Variants in MYO10 observed in about 807,000 individuals in gnomAD.
MYO10 encodes myosin X.
In MYO10, 133 loss-of-function variants were observed where a neutral mutation model predicts 257.3. The observed-to-expected ratio is 0.52, with a 90% confidence interval of 0.45 to 0.60. The LOEUF (loss-of-function observed/expected upper bound fraction) is 0.60, where lower values mean the gene tolerates loss of function less well. Among genes scored for constraint, MYO10 ranks in the 20% least tolerant of loss-of-function variants. MYO10 has a pLI of 0.00. For synonymous variants in MYO10, 1,104 were observed against 1,028.6 expected, an observed-to-expected ratio of 1.07 and a Z score of -1.40; for missense variants, 2,399 against 2,635.7, an observed-to-expected ratio of 0.91 and a Z score of 1.97.
chr5:16,840,332 A>C (rs1743438821), intron 2 of MYO10, among the ~76,000 whole-genome samples: 2 of 152,138 alleles, frequency 1.3e-5, no homozygotes, highest in African/African-American at 2.4e-5. Flanking sequence ...GAATCGTTTG[A>C]ACCTGGGAGG....
At chr5:16,726,667 T>G (rs1739378198) in intron 19 of MYO10, among the ~76,000 whole-genome samples, 1 of 152,212 alleles carries the variant, frequency 6.6e-6, no homozygotes, top group Non-Finnish European at 1.5e-5. Flanking sequence ...AACGTATTCA[T>G]TATTTAACAA....
At chr5:16,692,910 A>G (rs1311609263) in intron 27 of MYO10, among the ~76,000 whole-genome samples, 1 of 152,214 alleles carries the variant, frequency 6.6e-6, no homozygotes, top group Non-Finnish European at 1.5e-5. Flanking sequence ...ACATACATCA[A>G]TGTACTCTGG....
chr5:16,679,620 G>A (rs1440347399), intron 33 of MYO10, among the ~76,000 whole-genome samples: 6 of 150,712 alleles, frequency 4.0e-5, no homozygotes, highest in Admixed American at 2.0e-4. Flanking sequence ...TGCCTCGGAG[G>A]TTCAAGCAAG....
intron 1 of MYO10, among the ~76,000 whole-genome samples, chr5:16,893,728 G>A (rs972041217): frequency 2.0e-5 from 3 of 151,464 alleles, no homozygotes; most frequent in Non-Finnish European, 4.4e-5. Flanking sequence ...GTTCAACAGA[G>A]ACTTTGGAAC....
chr5:16,858,626 G>C (rs188487233), intron 2 of MYO10, among the ~76,000 whole-genome samples: 1 of 152,242 alleles, frequency 6.6e-6, no homozygotes, highest in Admixed American at 6.5e-5. Context: ...CATATGGTTT[G>C]AAATAAAAGC....
At chr5:16,828,182 G>T (rs1484874224) in intron 2 of MYO10, among the ~76,000 whole-genome samples, 2 of 152,138 alleles carry the variant, frequency 1.3e-5, no homozygotes, top group African/African-American at 4.8e-5. Context: ...GCTCACCCCT[G>T]CCTGGCCCAC....
At chr5:16,818,561 C>T (rs998651679) in intron 2 of MYO10, among the ~76,000 whole-genome samples, 2 of 151,602 alleles carry the variant, frequency 1.3e-5, no homozygotes, top group South Asian at 4.2e-4. Context: ...CTCAGCCTCC[C>T]GAGCTGGGAC....
chr5:16,892,870 G>A (rs935496703), intron 1 of MYO10, among the ~76,000 whole-genome samples: 2 of 151,864 alleles, frequency 1.3e-5, no homozygotes, highest in Non-Finnish European at 2.9e-5. Context: ...AACATTACCA[G>A]CCCAGCTACT....
Position 16,853,373 on chromosome 5 carries a change from C to CAA in MYO10, c.120+24234_120+24235dup, listed in dbSNP as rs5866209. On this transcript the variant is annotated intron_variant, in intron 2 of 40. Coordinates refer to ENST00000513610, the MANE Select transcript of MYO10 (RefSeq NM_012334.3). ...TGGGCGACAGAGTGAGACTCCGTCT[C>CAA]AAAAAAAAAAAAAAATTCATGATCA... is the stretch of plus-strand genomic sequence containing the variant. Among the ~76,000 whole-genome samples, 57 of 129,362 alleles carry CAA rather than the reference C, an allele frequency of 4.4e-4. 1 individual carries two copies. Among genetic ancestry groups the CAA allele is most frequent in the Middle Eastern group, 4.0e-3 (1 of 248 alleles). The allele number at this position is 129,362 out of a possible 152,430, so 84.9% of individuals were successfully genotyped here. A position where few individuals can be genotyped will look rare whatever the true frequency, so the allele number is the denominator to read the frequency against.
Position 16,663,819 on chromosome 5 carries a change from G to C in MYO10, c.*2873C>G, listed in dbSNP as rs1252101008. On this transcript the variant is annotated 3_prime_UTR_variant, in exon 41 of 41. Coordinates refer to ENST00000513610, the MANE Select transcript of MYO10 (RefSeq NM_012334.3). ...TGATTTAAAGGGTAAGGAAAGATGT[G>C]TGCAGGTTCTATGCAAATATTATAC... The C allele has an allele frequency of 6.8e-6, 1 of 147,932 alleles. No individual in the cohort carries two copies. The highest frequency in any genetic ancestry group is 2.5e-5 in the African/African-American group (1 of 39,942). 9.2% of individuals were successfully genotyped at this position (147,932 alleles called of 1,614,324 possible).
At chr5:16,719,981 T>TGC (rs1554039245) in intron 19 of MYO10, among the ~76,000 whole-genome samples, 11 of 117,230 alleles carry the variant, frequency 9.4e-5, no homozygotes, top group Admixed American at 4.8e-4. Context: ...AATAAATGTG[T>TGC]GTGCGTGCGT....
Position 16,758,176 on chromosome 5 carries a change from T to TTAC in MYO10, c.1789_1790insGTA (p.Gln597delinsArgLys). 1 of 1,613,852 alleles carries TTAC rather than the reference T, an allele frequency of 6.2e-7. No individual in the cohort carries two copies. Among genetic ancestry groups the TTAC allele is most frequent in the Non-Finnish European group, 8.5e-7 (1 of 1,179,738 alleles). ...TTTGCTTCCACATTTCAAGGTATCC[T>TTAC]GGTTGTTGCGGCTTGAAACATGTTC... On this transcript the variant is annotated protein_altering_variant, in exon 18 of 41. Transcript: ENST00000513610.
At chr5:16,847,178 T>A (rs1743659670) in intron 2 of MYO10, among the ~76,000 whole-genome samples, 1 of 151,520 alleles carries the variant, frequency 6.6e-6, no homozygotes, top group South Asian at 2.1e-4. Flanking sequence ...ATGCCTGTAA[T>A]CCCAGCACTT....
chr5:16,820,481 G>A (rs369123191), intron 2 of MYO10, among the ~76,000 whole-genome samples: 156 of 152,272 alleles, frequency 1.0e-3, no homozygotes, highest in African/African-American at 3.2e-3. Context: ...GCACACACCT[G>A]AGGTCTCATC....
chr5:16,848,611 G>C (rs1561016852), intron 2 of MYO10, among the ~76,000 whole-genome samples: 1 of 151,976 alleles, frequency 6.6e-6, no homozygotes, highest in African/African-American at 2.4e-5. Flanking sequence ...TTCCCTCCAA[G>C]AGTCTTTGGG....
At chr5:16,761,440 T>C (rs1740709895) in intron 17 of MYO10, 24 bp downstream of exon 17, 1 of 1,568,656 alleles carries the variant, frequency 6.4e-7, no homozygotes, top group African/African-American at 1.4e-5. Context: ...TGCTAAGTAC[T>C]TCTCGGTGAG....
At chr5:16,673,627 G>T in intron 36 of MYO10, 55 bp downstream of exon 36, 1 of 1,553,096 alleles carries the variant, frequency 6.4e-7, no homozygotes, top group Non-Finnish European at 8.8e-7. Context: ...TCCTGACGCA[G>T]GTGTATCTGC....
intron 10 of MYO10, among the ~76,000 whole-genome samples, chr5:16,766,770 CTTTT>C (rs575636664): frequency 7.8e-6 from 1 of 127,396 alleles, no homozygotes; most frequent in Non-Finnish European, 1.6e-5. Flanking sequence ...CACCTACTTT[CTTTT>C]TTTTTTTTTT....
chr5:16,920,125 T>A (rs1166708834), intron 1 of MYO10, among the ~76,000 whole-genome samples: 8 of 149,782 alleles, frequency 5.3e-5, no homozygotes, highest in Admixed American at 2.0e-4. Context: ...AGAAAAAAAA[T>A]TAGCTGGGCT....
Sources: gnomAD v4.1 joint callset for allele counts (sites outside exome capture counted in the v4.1 genomes callset) on GRCh38, gnomAD v4.1.1 for gene constraint, MANE v1.5 for transcripts, NCBI Gene and HGNC (gene_info 2026-07-23, HGNC 2026-07-21) for gene names.